Variants in KANSL1 observed in about 807,000 individuals in gnomAD.
KANSL1 encodes MLL1/MLL complex subunit KANSL1.
In KANSL1, 22 loss-of-function variants were observed where a neutral mutation model predicts 103.6. The observed-to-expected ratio is 0.21, with a 90% CI of 0.15 to 0.30. KANSL1 has a LOEUF of 0.30. Among genes scored for constraint, KANSL1 ranks in the 10% least tolerant of loss-of-function variants. The pLI, the probability that KANSL1 is intolerant of heterozygous loss-of-function variation, is 1.00. For missense variants in KANSL1, 1,337 were observed against 1,399.8 expected (o/e 0.96, Z 0.72); for synonymous variants, 600 against 527.6 (o/e 1.14, Z -1.88).
intron 2 of KANSL1, among the ~76,000 whole-genome samples, chr17:46,166,749 G>C (rs1004230827): frequency 6.6e-6 from 1 of 152,158 alleles, no homozygotes; most frequent in African/African-American, 2.4e-5. Context: ...TACAAGCTTA[G>C]CTCTAAATTT....
At position 46,033,175 on chromosome 17, in the gene KANSL1, G is replaced by T. The variant is rs35833914; in HGVS notation, c.2742C>A (p.Asp914Glu). 1 of 1,600,428 alleles carries T rather than the reference G, an allele frequency of 6.2e-7. No individual in the cohort carries two copies. The highest frequency in any genetic ancestry group is 1.7e-5 in the Admixed American group (1 of 58,592). Residue 914 changes from aspartate to glutamate, a missense_variant, in exon 13 of 15, where the codon GAC (aspartate) becomes GAA (glutamate). By Grantham distance (45) the Asp-to-Glu change is conservative (BLOSUM62 2). Coordinates refer to ENST00000432791, the MANE Select transcript of KANSL1 (RefSeq NM_015443.4). Reference sequence around the variant, plus strand: ...TGGCATGCAGGGCGGCGAAGGCTGCGTCGGATAGGTCCTCAATCTGCAATA... The same window carrying T: ...TGGCATGCAGGGCGGCGAAGGCTGCTTCGGATAGGTCCTCAATCTGCAATA... Reference protein sequence around the residue: ...EENEEIEDLSDAAFAALHAKC... With the variant: ...EENEEIEDLSEAAFAALHAKC...
intron 2 of KANSL1, among the ~76,000 whole-genome samples, chr17:46,145,670 T>C (rs929860923): frequency 6.6e-6 from 1 of 152,180 alleles, no homozygotes; most frequent in African/African-American, 2.4e-5. Context: ...AACTAGGAAA[T>C]CAAACAACAA....
intron 3 of KANSL1, chr17:46,094,334 T>C: frequency 1.8e-6 from 1 of 549,368 alleles, no homozygotes; most frequent in Non-Finnish European, 3.1e-6. Flanking sequence ...TGAGCTCAAA[T>C]GATCCTCCTG....
chr17:46,118,193 C>T (rs1032288065), intron 2 of KANSL1, among the ~76,000 whole-genome samples: 8 of 152,202 alleles, frequency 5.3e-5, no homozygotes, highest in East Asian at 3.8e-4. Context: ...ATGTTCCCGA[C>T]GTTAGTTTTA....
At chr17:46,193,636 C>T (rs1422122920), upstream of KANSL1, 2 of 309,032 alleles carry the variant, frequency 6.5e-6, no homozygotes, top group Non-Finnish European at 1.4e-5. Context: ...GTTTTTGTAC[C>T]TCCATCTGCG....
chr17:46,094,071 C>G lies in KANSL1; in HGVS notation c.1431+489G>C, dbSNP rs532113458. The G allele has an allele frequency of 2.8e-4, 43 of 154,544 alleles. 1 individual carries two copies. The South Asian group carries it at 8.5e-3, about 30-fold the overall frequency. 9.6% of individuals were successfully genotyped at this position (154,544 alleles called of 1,614,324 possible). ...TACCCACACAGTTTTGTTCTAAATA[C>G]ACGTTCAGTTAAACATTATATTCTA... On this transcript the variant is annotated intron_variant, in intron 3 of 14. Coordinates refer to ENST00000432791, the MANE Select transcript of KANSL1 (RefSeq NM_015443.4).
At chr17:46,190,005 T>C (rs952923792) in intron 1 of KANSL1, among the ~76,000 whole-genome samples, 2 of 151,972 alleles carry the variant, frequency 1.3e-5, no homozygotes, top group Non-Finnish European at 2.9e-5. Context: ...CTAAAATACC[T>C]TCTCAAACAA....
rs1212867384 is a variant in KANSL1, at chr17:46,033,087, C to T, written c.2830G>A (p.Gly944Ser). Reference sequence around the variant, plus strand: ...CCAAGCCTGCCCCATCACCTGCTGCCCCGCCGCTGGGGTGGCACACTCGTG... The same window carrying T: ...CCAAGCCTGCCCCATCACCTGCTGCTCCGCCGCTGGGGTGGCACACTCGTG... ...WTTSVPPQRR[G>S]SRSYRSSDGR... The change falls in exon 13 of 15, where the codon GGC becomes AGC. Residue 944 changes from glycine to serine, a missense_variant. Physicochemically the swap from Gly to Ser is moderately conservative, Grantham distance 56. This residue lies in a region of KANSL1 where 780 missense variants were observed against 923.4 expected (regional missense o/e 0.84). Transcript: ENST00000432791. The T allele has an allele frequency of 6.3e-7, 1 of 1,579,518 alleles. No individual in the cohort carries two copies. The highest frequency in any genetic ancestry group is 8.6e-7 in the Non-Finnish European group (1 of 1,162,082).
chr17:46,113,227 T>C (rs186085492), intron 2 of KANSL1, among the ~76,000 whole-genome samples: 3 of 152,316 alleles, frequency 2.0e-5, no homozygotes, highest in Non-Finnish European at 4.4e-5. Flanking sequence ...CTAAGAAACC[T>C]TGCTGTATAT....
chr17:46,170,889 T>C lies in KANSL1; in HGVS notation c.1255A>G (p.Thr419Ala), dbSNP rs778528850. 62 of 1,613,052 alleles carry C rather than the reference T, an allele frequency of 3.8e-5. No individual in the cohort carries two copies. Among genetic ancestry groups the C allele is most frequent in the Non-Finnish European group, 5.3e-5 (62 of 1,179,536 alleles). Residue 419 changes from threonine (T) to alanine (A), a missense_variant, in exon 2 of 15, where the codon ACC becomes GCC. By Grantham distance (58) the Thr-to-Ala change is moderately conservative. Around this residue, in one of 2 missense-constraint regions of KANSL1, gnomAD observed 780 missense variants for 923.4 expected, o/e 0.84. Transcript: ENST00000432791. ...TGACGCTGCTCGGGATCAGCTCTGG[T>C]CAGTTCTTCCTCTTCAATATCAGAC... is the stretch of plus-strand genomic sequence containing the variant. ...GESDIEEEEL[T>A]RADPEQRHVP... is the part of the protein sequence containing the mutation.
At chr17:46,075,656 G>GA (rs1323102378) in intron 4 of KANSL1, among the ~76,000 whole-genome samples, 1 of 151,864 alleles carries the variant, frequency 6.6e-6, no homozygotes. Flanking sequence ...AAAGAATGAA[G>GA]AAAAAATGTA....
intron 13 of KANSL1, chr17:46,032,644 G>A (rs1202405519): frequency 1.5e-5 from 5 of 338,154 alleles, no homozygotes; most frequent in Admixed American, 4.2e-5. Flanking sequence ...TGAGAATCCC[G>A]AGGGTTTCTG....
intron 3 of KANSL1, among the ~76,000 whole-genome samples, chr17:46,092,088 G>A (rs886294133): frequency 6.6e-6 from 1 of 152,174 alleles, no homozygotes; most frequent in African/African-American, 2.4e-5. Flanking sequence ...CCATGCCTCG[G>A]CCTCCCAAAG....
chr17:46,157,972 T>C (rs940949153), intron 2 of KANSL1, among the ~76,000 whole-genome samples: 28 of 152,382 alleles, frequency 1.8e-4, no homozygotes, highest in South Asian at 8.3e-4. Flanking sequence ...AGAGAAAGAA[T>C]AGTTGTAGCA....
intron 3 of KANSL1, 39 bp downstream of exon 3, chr17:46,094,521 T>A: frequency 6.3e-7 from 1 of 1,595,538 alleles, no homozygotes; most frequent in Non-Finnish European, 8.5e-7. Flanking sequence ...ATTGATAGTT[T>A]TCGGCAGCAT....
chr17:46,034,100 G>A, intron 11 of KANSL1, 61 bp downstream of exon 11: 9 of 1,594,812 alleles, frequency 5.6e-6, no homozygotes, highest in Non-Finnish European at 7.7e-6. Flanking sequence ...CAGAAGAGAA[G>A]AGGGAAAAAG....
At chr17:46,081,184 G>A (rs2078976802) in intron 4 of KANSL1, among the ~76,000 whole-genome samples, 2 of 152,058 alleles carry the variant, frequency 1.3e-5, no homozygotes, top group South Asian at 4.1e-4. Context: ...CATGACTACA[G>A]GGAGATTACT....
intron 2 of KANSL1, among the ~76,000 whole-genome samples, chr17:46,099,313 GA>G (rs1259326549): frequency 1.0e-5 from 1 of 99,790 alleles, no homozygotes; most frequent in African/African-American, 3.0e-5. Flanking sequence ...CACAGAGCGA[GA>G]CTCCGTCTCA....
At chr17:46,062,661 CTTT>C (rs889547987) in intron 6 of KANSL1, among the ~76,000 whole-genome samples, 4 of 151,830 alleles carry the variant, frequency 2.6e-5, no homozygotes, top group Non-Finnish European at 5.9e-5. Context: ...CCTGGCCAGC[CTTT>C]TTAAGGGCAA....
Sources: gnomAD v4.1 joint callset for allele counts (sites outside exome capture counted in the v4.1 genomes callset) on GRCh38, gnomAD v4.1.1 for gene constraint, gnomAD v4.1.1 regional missense constraint, MANE v1.5 for transcripts, NCBI Gene and HGNC (gene_info 2026-07-23, HGNC 2026-07-21) for gene names.